CNST: variants seen among roughly 807,000 people sequenced by gnomAD.
CNST encodes the protein consortin.
Under a neutral mutation model 72.4 loss-of-function variants are expected in CNST, and 39 were observed. That is an observed-to-expected ratio of 0.54 (90% CI 0.42 to 0.70). The LOEUF (loss-of-function observed/expected upper bound fraction) is 0.70, where lower values mean the gene tolerates loss of function less well. Ranked by LOEUF, CNST falls within the 30% of genes least tolerant of loss-of-function variation. The probability of loss-of-function intolerance (pLI) is 0.00; values close to 1 mark genes in which losing one functional copy is unlikely to be tolerated. For missense variants in CNST, 871 were observed against 868.5 expected (o/e 1.00, Z -0.04); for synonymous variants, 332 against 320.1 (o/e 1.04, Z -0.40).
chr1:246,577,343 C>T (rs1385164621), intron 1 of CNST, among the ~76,000 whole-genome samples: 1 of 152,006 alleles, frequency 6.6e-6, no homozygotes. Flanking sequence ...ACTGGTACCT[C>T]CTTATTCCGG....
In CNST at chr1:246,641,952, G is replaced by A. The variant is rs1665721396; in HGVS notation, c.852G>A (p.Val284=). ...PLLSKHKIAA[V]EKSQERKCST... ...TTTAAACTTTTTAGATAGCAGCTGT[G>A]GAGAAGTCCCAGGAAAGGAAATGCT... is the stretch of plus-strand genomic sequence containing the variant. Residue 284 remains valine (V), a synonymous_variant, in exon 8 of 11, where the codon GTG becomes GTA. Transcript: ENST00000366513. The A allele has an allele frequency of 1.2e-6, 2 of 1,610,782 alleles. No individual in the cohort carries two copies. Among genetic ancestry groups the A allele is most frequent in the South Asian group, 1.1e-5 (1 of 90,480 alleles).
In CNST at chr1:246,646,765, C is replaced by A. The variant is rs570731833; in HGVS notation, c.938-374C>A. Among the ~76,000 whole-genome samples, 13 of 152,348 alleles carry A rather than the reference C, an allele frequency of 8.5e-5. No homozygotes were observed. The East Asian group carries it at 2.5e-3, about 29-fold the overall frequency. On this transcript the variant is annotated intron_variant, in intron 8 of 10. Coordinates refer to ENST00000366513, the MANE Select transcript of CNST (RefSeq NM_152609.3). ...AAAGTGCTGGGACTACAGGCGTGAG[C>A]CACTGTGCCTGGCCCCATACACCAT...
chr1:246,648,015 C>T lies in CNST; in HGVS notation c.1814C>T (p.Ala605Val). ...AGCTGTCTTTCTCTTGATGATCTTGCCAAAAGGATAGAGATTGCAGAGGTA... is the reference window on the plus strand; with the variant it reads ...AGCTGTCTTTCTCTTGATGATCTTGTCAAAAGGATAGAGATTGCAGAGGTA... ...DESCLSLDDL[A>V]KRIEIAEVVP... Residue 605 changes from alanine (A) to valine (V), a missense_variant, in exon 9 of 11, where the codon GCC becomes GTC. Coordinates refer to ENST00000366513, the MANE Select transcript of CNST (RefSeq NM_152609.3). 6.2e-7 allele frequency: 1 copy of T among 1,611,036 alleles called. No homozygotes were observed. The highest frequency in any genetic ancestry group is 8.5e-7 in the Non-Finnish European group (1 of 1,179,154).
chr1:246,572,911 T>A (rs1169343535), intron 1 of CNST, among the ~76,000 whole-genome samples: 1 of 152,154 alleles, frequency 6.6e-6, no homozygotes, highest in Non-Finnish European at 1.5e-5. Context: ...ATTTTAGATT[T>A]TTTTTTCCAC....
At position 246,622,064 on chromosome 1, in the gene CNST, T is replaced by C. The variant is rs560076835; in HGVS notation, c.585+430T>C. On this transcript the variant is annotated intron_variant, in intron 3 of 10. Transcript: ENST00000366513. ...CTCTGTAAAATTGACTGTGTCCCAC[T>C]CATCACTGGTGAGCCCGGGGGAGGG... 6.6e-5 allele frequency among the ~76,000 whole-genome samples: 10 copies of C among 152,332 alleles called. No homozygotes were observed. In the South Asian group the frequency reaches 1.7e-3, roughly 25 times the overall value.
intron 1 of CNST, among the ~76,000 whole-genome samples, chr1:246,573,770 A>G (rs1257829206): frequency 2.0e-5 from 3 of 152,258 alleles, no homozygotes; most frequent in East Asian, 3.8e-4. Flanking sequence ...TAAAGCTTCC[A>G]TGTACTTGTG....
chr1:246,652,800 C>G (rs6681393), intron 9 of CNST, among the ~76,000 whole-genome samples: 58,598 of 140,552 alleles, frequency 0.42, 10,086 homozygotes, highest in Non-Finnish European at 0.47. Context: ...GTCAGGAGAT[C>G]GAGACCATCC....
intron 9 of CNST, among the ~76,000 whole-genome samples, chr1:246,657,101 G>A (rs1666817043): frequency 6.6e-6 from 1 of 152,052 alleles, no homozygotes; most frequent in Admixed American, 6.6e-5. Context: ...GTATGAAATT[G>A]AGGCAAACCC....
At chr1:246,652,844 A>C (rs1486509860) in intron 9 of CNST, among the ~76,000 whole-genome samples, 2 of 150,404 alleles carry the variant, frequency 1.3e-5, no homozygotes, top group Non-Finnish European at 3.0e-5. Flanking sequence ...CTCTACTAAA[A>C]ATACAAAAAA....
At chr1:246,617,896 C>T (rs1042125314) in intron 2 of CNST, among the ~76,000 whole-genome samples, 7 of 152,270 alleles carry the variant, frequency 4.6e-5, no homozygotes, top group Non-Finnish European at 7.3e-5. Flanking sequence ...ATTTGAGCCA[C>T]GATAGAATTC....
chr1:246,585,132 G>A (rs868524595), intron 1 of CNST, among the ~76,000 whole-genome samples: 2 of 152,018 alleles, frequency 1.3e-5, no homozygotes, highest in African/African-American at 2.4e-5. Flanking sequence ...ATCACTTTTA[G>A]GTCCCACCGC....
chr1:246,567,745 G>T (rs1031531602), intron 1 of CNST, among the ~76,000 whole-genome samples: 1 of 152,142 alleles, frequency 6.6e-6, no homozygotes, highest in African/African-American at 2.4e-5. Flanking sequence ...TCACTCATTG[G>T]TCTTAATTTG....
intron 6 of CNST, 38 bp from the exon 7 acceptor site, chr1:246,641,711 T>A (rs1665698788): frequency 1.7e-6 from 2 of 1,181,924 alleles, no homozygotes; most frequent in African/African-American, 3.1e-5. Context: ...GCTGCTGTAA[T>A]TTTTTTAAAA....
At chr1:246,653,527 G>C (rs1265240897) in intron 9 of CNST, among the ~76,000 whole-genome samples, 1 of 152,192 alleles carries the variant, frequency 6.6e-6, no homozygotes, top group Non-Finnish European at 1.5e-5. Flanking sequence ...TTCCAATAAT[G>C]TAAGAGGTTT....
intron 9 of CNST, among the ~76,000 whole-genome samples, chr1:246,650,392 A>T (rs573075176): frequency 3.5e-4 from 54 of 152,306 alleles, no homozygotes; most frequent in Admixed American, 2.2e-3. Context: ...CTTTCCTATG[A>T]CAATGCCAAG....
intron 9 of CNST, among the ~76,000 whole-genome samples, chr1:246,653,682 C>T (rs1323328441): frequency 1.3e-5 from 2 of 152,222 alleles, no homozygotes; most frequent in African/African-American, 4.8e-5. Context: ...ATTAATGCTT[C>T]TCTTGATAGC....
intron 1 of CNST, among the ~76,000 whole-genome samples, chr1:246,582,500 C>T (rs998950616): frequency 2.6e-5 from 4 of 152,220 alleles, no homozygotes; most frequent in Middle Eastern, 3.4e-3. Context: ...AGGCACGAGC[C>T]ACTGAGCCTG....
At chr1:246,664,677 C>T (rs12084505) in intron 10 of CNST, among the ~76,000 whole-genome samples, 64,355 of 151,652 alleles carry the variant, frequency 0.42, 13,949 homozygotes, top group East Asian at 0.54. Context: ...CCGCCCGCCT[C>T]AGCCTCCCAA....
At chr1:246,620,607 A>G (rs1664007207) in intron 2 of CNST, among the ~76,000 whole-genome samples, 1 of 137,496 alleles carries the variant, frequency 7.3e-6, no homozygotes, top group African/African-American at 2.8e-5. Context: ...TCAGTCGTGC[A>G]TACACACGAT....
Sources: allele counts gnomAD v4.1 joint callset (sites outside exome capture counted in the v4.1 genomes callset), GRCh38; gene constraint gnomAD v4.1.1; transcripts MANE v1.5; gene names NCBI Gene and HGNC (gene_info 2026-07-23, HGNC 2026-07-21).